ADAM28: variants seen among roughly 807,000 people sequenced by gnomAD.
ADAM28 encodes ADAM metallopeptidase domain 28, also known as disintegrin and metalloproteinase domain-containing protein 28.
ADAM28 carries 105 observed loss-of-function variants against 101.2 expected under a neutral mutation model. The ratio of observed to expected loss-of-function variants is 1.04; its 90% confidence interval spans 0.89 to 1.22. The LOEUF is 1.22. Ranked by LOEUF, ADAM28 falls within the 50% of genes most tolerant of loss-of-function variation. ADAM28 has a pLI of 0.00. For synonymous variants in ADAM28, 322 were observed against 310.6 expected, an observed-to-expected ratio of 1.04 and a Z score of -0.39; for missense variants, 1,028 against 945.4, an observed-to-expected ratio of 1.09 and a Z score of -1.15.
chr8:24,350,351 G>T (rs1815945572), intron 19 of ADAM28, among the ~76,000 whole-genome samples: 4 of 151,928 alleles, frequency 2.6e-5, no homozygotes, highest in Admixed American at 2.0e-4. Context: ...TCCCTCTGTG[G>T]CCCAGGCTGG....
intron 8 of ADAM28, among the ~76,000 whole-genome samples, chr8:24,321,956 G>A (rs1377148340): frequency 1.3e-5 from 2 of 151,824 alleles, no homozygotes; most frequent in Non-Finnish European, 2.9e-5. Flanking sequence ...TATATAGTTG[G>A]CATACTTATT....
At chr8:24,325,736 C>G (rs568426057) in intron 9 of ADAM28, among the ~76,000 whole-genome samples, 174 of 151,328 alleles carry the variant, frequency 1.1e-3, no homozygotes, top group African/African-American at 4.0e-3. Flanking sequence ...TTAAAACTCT[C>G]TATTTTTAGT....
At position 24,324,004 on chromosome 8, in the gene ADAM28, G is replaced by A. The variant is rs138768775; in HGVS notation, c.890+1G>A. ...GTCATGATATTGCTCAGTTAATCAC[G>A]TATGTACAGATTTTCTCCCATTGCA... is the stretch of plus-strand genomic sequence containing the variant. On this transcript the variant is annotated splice_donor_variant, in intron 9 of 22. Coordinates refer to ENST00000265769, the MANE Select transcript of ADAM28 (RefSeq NM_014265.6). LOFTEE classifies it high-confidence loss of function. 28 of 1,610,970 alleles carry A rather than the reference G, an allele frequency of 1.7e-5. No individual in the cohort carries two copies. The highest frequency in any genetic ancestry group is 2.2e-5 in the Non-Finnish European group (26 of 1,178,212).
At chr8:24,335,720 G>C (rs922396948) in intron 14 of ADAM28, 79 bp downstream of exon 14, 2 of 1,441,552 alleles carry the variant, frequency 1.4e-6, no homozygotes, top group African/African-American at 2.9e-5. Flanking sequence ...ATGGTCAAAG[G>C]ACCATTCTGT....
chr8:24,321,144 GAAGATGCCT>G (rs1811820861), intron 7 of ADAM28, 65 bp from the exon 8 acceptor site: 3 of 831,976 alleles, frequency 3.6e-6, no homozygotes, highest in Non-Finnish European at 6.0e-6. Context: ...TAATATAAGA[GAAGATGCCT>G]TTTTAACCTT....
At chr8:24,305,688 G>T (rs1486210249) in intron 2 of ADAM28, among the ~76,000 whole-genome samples, 3 of 151,924 alleles carry the variant, frequency 2.0e-5, no homozygotes, top group Non-Finnish European at 2.9e-5. Flanking sequence ...ACCTTTTAAT[G>T]TTCCTTTAAA....
At chr8:24,311,206 G>T (rs912630572) in intron 4 of ADAM28, among the ~76,000 whole-genome samples, 155 bp from the exon 5 acceptor site, 4 of 152,174 alleles carry the variant, frequency 2.6e-5, no homozygotes, top group African/African-American at 9.6e-5. Context: ...TTACATGAAA[G>T]ATTTTAATTA....
rs141805720 is a variant in ADAM28 at position 24,310,274 on chromosome 8, G to A, written c.306+33G>A. 157 of 1,592,630 alleles carry A rather than the reference G, an allele frequency of 9.9e-5. No individual in the cohort carries two copies. In the African/African-American group the frequency reaches 2.0e-3, roughly 20 times the overall value. On this transcript the variant is annotated intron_variant, in intron 4 of 22. Transcript: ENST00000265769. ...GGAGTCTCTTCAATTCTTTAATTAGGGTTTTACCCACAGACCTAAAGGTAG... is the reference window on the plus strand; with the variant it reads ...GGAGTCTCTTCAATTCTTTAATTAGAGTTTTACCCACAGACCTAAAGGTAG...
intron 15 of ADAM28, 62 bp downstream of exon 15, chr8:24,339,630 A>G (rs747681581): frequency 4.4e-6 from 6 of 1,357,744 alleles, no homozygotes; most frequent in Non-Finnish European, 6.2e-6. Context: ...ACTTCCAGCT[A>G]CACATTCTGA....
At chr8:24,301,830 AAG>A (rs755180746) in intron 2 of ADAM28, among the ~76,000 whole-genome samples, 4 of 152,214 alleles carry the variant, frequency 2.6e-5, no homozygotes, top group Non-Finnish European at 5.9e-5. Context: ...ACTAAAGTCT[AAG>A]AGTCAGTCTG....
chr8:24,301,683 G>GTGTT (rs1466360011), intron 2 of ADAM28, among the ~76,000 whole-genome samples: 4 of 152,212 alleles, frequency 2.6e-5, no homozygotes, highest in South Asian at 2.1e-4. Context: ...ACAACTTTAT[G>GTGTT]TGTTAGTATT....
intron 11 of ADAM28, 96 bp from the exon 12 acceptor site, chr8:24,331,054 G>A (rs1379527032): frequency 8.0e-7 from 1 of 1,246,774 alleles, no homozygotes; most frequent in African/African-American, 1.5e-5. Context: ...TTGTCTTTTG[G>A]GGCAGGCCGT....
intron 13 of ADAM28, 57 bp downstream of exon 13, chr8:24,332,806 C>T (rs896696176): frequency 3.2e-6 from 3 of 929,338 alleles, no homozygotes; most frequent in Non-Finnish European, 4.5e-6. Flanking sequence ...ACATTAACAT[C>T]TCAGTGATTA....
At chr8:24,303,859 C>G (rs1471438625) in intron 2 of ADAM28, among the ~76,000 whole-genome samples, 1 of 152,060 alleles carries the variant, frequency 6.6e-6, no homozygotes, top group African/African-American at 2.4e-5. Flanking sequence ...TCCTTCACTT[C>G]CCTTGTTAGC....
In ADAM28 at chr8:24,343,594, A is replaced by C; in HGVS notation, c.1990+10A>C. On this transcript the variant is annotated intron_variant, in intron 18 of 22. Coordinates refer to ENST00000265769, the MANE Select transcript of ADAM28 (RefSeq NM_014265.6). Reference sequence around the variant, plus strand: ...TCCTCAGTGGTCTTCCGTAGGTAACATTACACATCTAACCTGAGAAAATTG... The same window carrying C: ...TCCTCAGTGGTCTTCCGTAGGTAACCTTACACATCTAACCTGAGAAAATTG... 6.2e-7 allele frequency: 1 copy of C among 1,613,236 alleles called. No homozygotes were observed. The highest frequency in any genetic ancestry group is 8.5e-7 in the Non-Finnish European group (1 of 1,179,436).
At chr8:24,319,954 A>T (rs539783525) in intron 6 of ADAM28, among the ~76,000 whole-genome samples, 1 of 152,110 alleles carries the variant, frequency 6.6e-6, no homozygotes, top group East Asian at 1.9e-4. Flanking sequence ...TCAAAACAAT[A>T]GAAAGACTGG....
chr8:24,336,653 T>A, intron 14 of ADAM28, among the ~76,000 whole-genome samples: 1 of 150,434 alleles, frequency 6.6e-6, no homozygotes, highest in African/African-American at 2.4e-5. Context: ...TCATAAGTGA[T>A]CTAGCTTATA....
chr8:24,351,374 T>C (rs781672173), intron 20 of ADAM28, 64 bp downstream of exon 20: 1 of 1,443,290 alleles, frequency 6.9e-7, no homozygotes, highest in Non-Finnish European at 9.8e-7. Context: ...CACACTCTTA[T>C]CCTGACTACC....
chr8:24,317,821 C>T (rs1416517058), intron 6 of ADAM28, among the ~76,000 whole-genome samples: 2 of 151,780 alleles, frequency 1.3e-5, no homozygotes, highest in African/African-American at 2.4e-5. Flanking sequence ...TAGGTAGGGA[C>T]AGGAAATGGG....
Sources: gnomAD v4.1 joint callset for allele counts (sites outside exome capture counted in the v4.1 genomes callset) on GRCh38, gnomAD v4.1.1 for gene constraint, MANE v1.5 for transcripts, NCBI Gene and HGNC (gene_info 2026-07-23, HGNC 2026-07-21) for gene names.